SLC28A3: variants seen among roughly 807,000 people sequenced by gnomAD.
SLC28A3 encodes the protein concentrative Na(+)-nucleoside cotransporter 3.
A neutral mutation model predicts 84.2 loss-of-function variants in SLC28A3; 68 were observed. That is an observed-to-expected ratio of 0.81 (90% CI 0.66 to 0.99). The LOEUF is 0.99. SLC28A3 is among the 50% of genes least tolerant of loss of function. The probability of loss-of-function intolerance (pLI) is 0.00; values close to 1 mark genes in which losing one functional copy is unlikely to be tolerated. For synonymous variants in SLC28A3, 267 were observed against 303.6 expected, an observed-to-expected ratio of 0.88 and a Z score of 1.25; for missense variants, 712 against 841.5, an observed-to-expected ratio of 0.85 and a Z score of 1.90.
At chr9:84,327,925 C>CAAA (rs60624658) in intron 1 of SLC28A3, among the ~76,000 whole-genome samples, 2,929 of 107,194 alleles carry the variant, frequency 0.027, 212 homozygotes, top group African/African-American at 0.1. Flanking sequence ...GACTCCATTT[C>CAAA]AAAAAAAAAA....
chr9:84,301,543 A>G (rs1825638497), intron 5 of SLC28A3, among the ~76,000 whole-genome samples: 1 of 152,170 alleles, frequency 6.6e-6, no homozygotes, highest in South Asian at 2.1e-4. Flanking sequence ...GTCATGAAAA[A>G]GAGTGCTCAG....
the SLC28A3 span, among the ~76,000 whole-genome samples, chr9:84,352,100 G>A: frequency 1.3e-5 from 2 of 152,010 alleles, no homozygotes; most frequent in Non-Finnish European, 2.9e-5. Context: ...TTTTTAATAA[G>A]TTATGTATGT....
At chr9:84,279,437 G>A in intron 16 of SLC28A3, 52 bp from the exon 17 acceptor site, 1 of 1,265,684 alleles carries the variant, frequency 7.9e-7, no homozygotes, top group Non-Finnish European at 1.0e-6. Context: ...TTTTATTTAT[G>A]TATTTATATA....
At chr9:84,310,272 G>C in intron 2 of SLC28A3, 1 of 438,214 alleles carries the variant, frequency 2.3e-6, no homozygotes, top group Non-Finnish European at 3.0e-6. Flanking sequence ...CCCTTACTCA[G>C]CTAGCCCTTG....
chr9:84,280,197 T>A, intron 15 of SLC28A3, 124 bp from the exon 16 acceptor site: 1 of 715,420 alleles, frequency 1.4e-6, no homozygotes, highest in Non-Finnish European at 2.2e-6. Context: ...TTCTTTAACT[T>A]AGCTGGGAAA....
intron 1 of SLC28A3, among the ~76,000 whole-genome samples, chr9:84,340,262 C>G (rs1380154524): frequency 2.0e-5 from 3 of 152,116 alleles, no homozygotes; most frequent in African/African-American, 7.2e-5. Flanking sequence ...CCCTTCTCAC[C>G]AGTTCTTTGG....
chr9:84,316,777 C>T (rs549412590), intron 1 of SLC28A3, among the ~76,000 whole-genome samples: 5 of 152,106 alleles, frequency 3.3e-5, no homozygotes, highest in East Asian at 3.9e-4. Context: ...CCAAGGCGGG[C>T]GGATGATGAG....
Position 84,288,136 on chromosome 9 carries a change from G to T in SLC28A3, c.1192C>A (p.Pro398Thr). The change falls in exon 12 of 18, where the codon CCT becomes ACT. Residue 398 changes from proline (P) to threonine (T), a missense_variant. Transcript: ENST00000376238. The stretch of plus-strand genomic sequence containing the variant: ...AGTTTAGCAGCAGCCAATGACGCAG[G>T]TGCTGACATAACTGACGCTGTTAAC... The part of the protein sequence containing the change: ...HLLTASVMSA[P>T]ASLAAAKLFW... The T allele has an allele frequency of 6.2e-7, 1 of 1,614,134 alleles. No homozygotes were observed. The highest frequency in any genetic ancestry group is 8.5e-7 in the Non-Finnish European group (1 of 1,179,992).
the SLC28A3 span, among the ~76,000 whole-genome samples, chr9:84,365,027 GTA>G: frequency 6.6e-6 from 1 of 152,260 alleles, no homozygotes; most frequent in East Asian, 1.9e-4. Flanking sequence ...TTTCTTTTGG[GTA>G]TATACCCAGC....
At position 84,275,941 on chromosome 9, in the gene SLC28A3, C is replaced by T. The variant is rs1012594090; in HGVS notation, c.*2277G>A. On this transcript the variant is annotated 3_prime_UTR_variant, in exon 18 of 18. Transcript: ENST00000376238. ...AGGTAAAAATTAAGACAACATATTT[C>T]TCCAAAAACCAGTCTGACATCTTAT... 4.6e-5 allele frequency: 7 copies of T among 152,292 alleles called. No homozygotes were observed. The highest frequency in any genetic ancestry group is 1.0e-4 in the Non-Finnish European group (7 of 68,036). 9.4% of individuals were successfully genotyped at this position (152,292 alleles called of 1,614,324 possible).
At chr9:84,313,288 CA>C in intron 2 of SLC28A3, 70 bp downstream of exon 2, 1 of 1,343,358 alleles carries the variant, frequency 7.4e-7, no homozygotes, top group Non-Finnish European at 1.0e-6. Flanking sequence ...TTTCTGTGCC[CA>C]CTGTTCTCAG....
At chr9:84,316,647 CT>C (rs1350526018) in intron 1 of SLC28A3, among the ~76,000 whole-genome samples, 1 of 152,196 alleles carries the variant, frequency 6.6e-6, no homozygotes, top group Non-Finnish European at 1.5e-5. Flanking sequence ...TCTCTTGTTA[CT>C]TTTGGTTTTT....
intron 3 of SLC28A3, among the ~76,000 whole-genome samples, chr9:84,309,094 C>A (rs920927830): frequency 7.2e-5 from 11 of 152,054 alleles, no homozygotes; most frequent in African/African-American, 2.7e-4. Flanking sequence ...ATATTGGGTT[C>A]CCAGAACATC....
At chr9:84,299,481 T>G in intron 6 of SLC28A3, 100 bp downstream of exon 6, 1 of 1,474,950 alleles carries the variant, frequency 6.8e-7, no homozygotes, top group South Asian at 1.3e-5. Context: ...GTAAGAAAAG[T>G]ACTGAACAAT....
At chr9:84,300,554 G>T (rs1825589158) in intron 5 of SLC28A3, among the ~76,000 whole-genome samples, 1 of 152,208 alleles carries the variant, frequency 6.6e-6, no homozygotes, top group Non-Finnish European at 1.5e-5. Flanking sequence ...GAGCCAGAAA[G>T]CCTGCAGTGT....
intron 1 of SLC28A3, among the ~76,000 whole-genome samples, chr9:84,335,080 C>G (rs946020683): frequency 1.3e-5 from 2 of 152,176 alleles, no homozygotes; most frequent in African/African-American, 4.8e-5. Flanking sequence ...ATGCTAACAG[C>G]TCCCAAATGT....
chr9:84,286,221 CCCCT>C, intron 12 of SLC28A3, 110 bp from the exon 13 acceptor site: 1 of 1,037,024 alleles, frequency 9.6e-7, no homozygotes, highest in Non-Finnish European at 1.4e-6. Context: ...AACTCTAAGG[CCCCT>C]GCCTTGCTCA....
At chr9:84,361,599 C>T in the SLC28A3 span, among the ~76,000 whole-genome samples, 1 of 152,056 alleles carries the variant, frequency 6.6e-6, no homozygotes, top group Non-Finnish European at 1.5e-5. Flanking sequence ...AGCTCTCCCG[C>T]GAGAGTGTTT....
chr9:84,363,608 G>A, the SLC28A3 span, among the ~76,000 whole-genome samples: 7 of 152,190 alleles, frequency 4.6e-5, no homozygotes, highest in African/African-American at 1.7e-4. Flanking sequence ...GATGGGATTA[G>A]GGCATTTATC....
Sources: gnomAD v4.1 joint callset for allele counts (sites outside exome capture counted in the v4.1 genomes callset) on GRCh38, gnomAD v4.1.1 for gene constraint, MANE v1.5 for transcripts, NCBI Gene and HGNC (gene_info 2026-07-23, HGNC 2026-07-21) for gene names.